STXBP5L: variants seen among roughly 807,000 people sequenced by gnomAD.
STXBP5L encodes the protein syntaxin-binding protein 5-like.
A neutral mutation model predicts 144.5 loss-of-function variants in STXBP5L; 65 were observed. The observed-to-expected ratio is 0.45, with a 90% CI of 0.37 to 0.55. The LOEUF (loss-of-function observed/expected upper bound fraction) is 0.55. Ranked by LOEUF, STXBP5L falls within the 20% of genes least tolerant of loss-of-function variation. The pLI is 0.00. For missense variants in STXBP5L, 1,298 were observed against 1,405.5 expected, an observed-to-expected ratio of 0.92 and a Z score of 1.22; for synonymous variants, 505 against 469.6, an observed-to-expected ratio of 1.08 and a Z score of -0.97.
rs1181679505 is a variant in STXBP5L, at chr3:121,259,062, C to T, written c.1852C>T (p.Arg618Ter). 1.9e-6 allele frequency: 3 copies of T among 1,602,416 alleles called. No homozygotes were observed. Among genetic ancestry groups the T allele is most frequent in the Non-Finnish European group, 1.7e-6 (2 of 1,173,280 alleles). The change falls in exon 18 of 27, where the codon CGA becomes TGA. Residue 618 changes from arginine to a stop codon, truncating the protein, a stop_gained. Coordinates refer to ENST00000471454, the MANE Select transcript of STXBP5L (RefSeq NM_001308330.2). LOFTEE classifies it high-confidence loss of function. ...PCLNVKTRPV[R>*]MPPGYQAELV... ...TTAAAGTGTGAAGACACGGCCAGTG[C>T]GAATGCCTCCAGGATATCAAGCAGA...
chr3:121,051,996 T>A (rs1033734596), intron 5 of STXBP5L, among the ~76,000 whole-genome samples: 1 of 152,128 alleles, frequency 6.6e-6, no homozygotes, highest in African/African-American at 2.4e-5. Context: ...ATGGATAAAT[T>A]CCTGGACACA....
intron 2 of STXBP5L, among the ~76,000 whole-genome samples, chr3:120,914,882 T>TTA (rs1709029169): frequency 6.6e-6 from 1 of 152,132 alleles, no homozygotes; most frequent in South Asian, 2.1e-4. Flanking sequence ...TTTTTTCTTT[T>TTA]AAGAACCAGA....
intron 20 of STXBP5L, among the ~76,000 whole-genome samples, chr3:121,341,888 G>C (rs928329220): frequency 1.3e-5 from 2 of 151,898 alleles, no homozygotes; most frequent in African/African-American, 4.8e-5. Context: ...TAGTTAATGA[G>C]TATAAAAAAT....
chr3:121,389,547 C>T (rs936100228), intron 22 of STXBP5L, among the ~76,000 whole-genome samples: 1 of 152,196 alleles, frequency 6.6e-6, no homozygotes, highest in African/African-American at 2.4e-5. Context: ...CCTCTACACA[C>T]TGCTTTAAAC....
chr3:121,069,271 T>C (rs1368856586), intron 5 of STXBP5L, among the ~76,000 whole-genome samples: 1 of 152,224 alleles, frequency 6.6e-6, no homozygotes, highest in Non-Finnish European at 1.5e-5. Flanking sequence ...TTTTTGGGAT[T>C]GTATTTTTAC....
rs145006584 is a variant in STXBP5L at position 121,214,413 on chromosome 3, G to A, written c.956+8412G>A. ...AGAGATTCTGGTACATTGTGTCTTTGTTCTCATTGGTTTCAAGGAAATTAT... is the reference window on the plus strand; with the variant it reads ...AGAGATTCTGGTACATTGTGTCTTTATTCTCATTGGTTTCAAGGAAATTAT... On this transcript the variant is annotated intron_variant, in intron 10 of 26. Transcript: ENST00000471454. Among the ~76,000 whole-genome samples the A allele has an allele frequency of 5.9e-3, 904 of 152,134 alleles. 8 individuals are homozygous for A. The highest frequency in any genetic ancestry group is 0.02 in the African/African-American group (833 of 41,510).
At chr3:120,944,554 T>A (rs1710744370) in intron 2 of STXBP5L, among the ~76,000 whole-genome samples, 1 of 151,782 alleles carries the variant, frequency 6.6e-6, no homozygotes, top group South Asian at 2.1e-4. Flanking sequence ...TTAATATAAC[T>A]ACCTTTTGGA....
At chr3:121,372,538 G>A (rs144862526) in intron 20 of STXBP5L, among the ~76,000 whole-genome samples, 1 of 152,306 alleles carries the variant, frequency 6.6e-6, no homozygotes, top group Non-Finnish European at 1.5e-5. Flanking sequence ...CATGGCGATA[G>A]CAGGTTCCTT....
At chr3:121,374,505 C>T (rs182901491) in intron 20 of STXBP5L, among the ~76,000 whole-genome samples, 61 of 151,950 alleles carry the variant, frequency 4.0e-4, no homozygotes, top group Non-Finnish European at 6.6e-4. Flanking sequence ...TTTAAAATAA[C>T]GATCTTAAGG....
intron 3 of STXBP5L, among the ~76,000 whole-genome samples, chr3:120,973,731 C>G (rs948363137): frequency 7.3e-6 from 1 of 136,620 alleles, no homozygotes; most frequent in African/African-American, 2.8e-5. Flanking sequence ...GTGTGATGTT[C>G]CCCTTCCTGT....
chr3:121,366,224 T>A (rs2045860949), intron 20 of STXBP5L, among the ~76,000 whole-genome samples: 1 of 151,990 alleles, frequency 6.6e-6, no homozygotes, highest in African/African-American at 2.4e-5. Flanking sequence ...TTGAAAAGAA[T>A]GCGTATACTT....
At chr3:121,396,184 T>C (rs527956553) in intron 22 of STXBP5L, among the ~76,000 whole-genome samples, 1 of 152,224 alleles carries the variant, frequency 6.6e-6, no homozygotes, top group Non-Finnish European at 1.5e-5. Flanking sequence ...AAAAATTTAG[T>C]TAATAATGCC....
intron 20 of STXBP5L, among the ~76,000 whole-genome samples, chr3:121,368,882 G>A (rs1019741754): frequency 6.6e-6 from 1 of 152,198 alleles, no homozygotes; most frequent in African/African-American, 2.4e-5. Flanking sequence ...TGGAGTGGCA[G>A]TGGAGCTTTA....
chr3:121,409,022 G>C (rs1449703497), intron 23 of STXBP5L, among the ~76,000 whole-genome samples: 1 of 151,860 alleles, frequency 6.6e-6, no homozygotes, highest in East Asian at 1.9e-4. Flanking sequence ...TGAAATTTTA[G>C]GTGTTATAAG....
chr3:121,132,970 G>A (rs142119253), intron 7 of STXBP5L, among the ~76,000 whole-genome samples: 1 of 152,238 alleles, frequency 6.6e-6, no homozygotes, highest in Non-Finnish European at 1.5e-5. Flanking sequence ...GAAGAACAGG[G>A]AAGAAGGCTT....
At chr3:121,205,221 T>C (rs567757479) in intron 9 of STXBP5L, among the ~76,000 whole-genome samples, 1 of 152,308 alleles carries the variant, frequency 6.6e-6, no homozygotes, top group South Asian at 2.1e-4. Context: ...CAATAGAGGT[T>C]TATTTGGCTT....
intron 15 of STXBP5L, among the ~76,000 whole-genome samples, chr3:121,251,829 A>G (rs976043657): frequency 6.6e-6 from 1 of 152,178 alleles, no homozygotes; most frequent in African/African-American, 2.4e-5. Context: ...TCCCTTGAGC[A>G]AGCAAACTAA....
intron 10 of STXBP5L, among the ~76,000 whole-genome samples, chr3:121,219,189 G>A (rs1210843439): frequency 6.6e-6 from 1 of 152,092 alleles, no homozygotes; most frequent in Non-Finnish European, 1.5e-5. Flanking sequence ...TAGCACACAA[G>A]GAGGTTAAAA....
Position 121,052,699 on chromosome 3 carries a change from C to T in STXBP5L, c.470+7164C>T, listed in dbSNP as rs61798658. 3.3e-3 allele frequency among the ~76,000 whole-genome samples: 504 copies of T among 152,064 alleles called. 1 individual carries two copies. Among genetic ancestry groups the T allele is most frequent in the Non-Finnish European group, 5.0e-3 (343 of 67,976 alleles). Reference sequence around the variant, plus strand: ...GAAAACTGGCACAAGACAGGGATGCCCTCTCTCACCACTCCTATTCAACAT... The same window carrying T: ...GAAAACTGGCACAAGACAGGGATGCTCTCTCTCACCACTCCTATTCAACAT... On this transcript the variant is annotated intron_variant, in intron 5 of 26. Coordinates refer to ENST00000471454, the MANE Select transcript of STXBP5L (RefSeq NM_001308330.2).
Sources: gnomAD v4.1 joint callset for allele counts (sites outside exome capture counted in the v4.1 genomes callset) on GRCh38, gnomAD v4.1.1 for gene constraint, MANE v1.5 for transcripts, NCBI Gene and HGNC (gene_info 2026-07-23, HGNC 2026-07-21) for gene names.